The following PTPRT variants were observed in gnomAD, a reference collection of about 807,000 sequenced individuals.
PTPRT encodes the protein receptor-type tyrosine-protein phosphatase T.
PTPRT carries 56 observed loss-of-function variants against 176.8 expected under a neutral mutation model. The ratio of observed to expected loss-of-function variants is 0.32; its 90% CI spans 0.26 to 0.40. PTPRT has a LOEUF of 0.40. Ranked by LOEUF, PTPRT falls within the 10% of genes least tolerant of loss-of-function variation. The pLI is 1.00. For missense variants in PTPRT, 1,540 were observed against 1,908.2 expected (o/e 0.81, Z 3.60); for synonymous variants, 783 against 739.0 (o/e 1.06, Z -0.96).
chr20:42,220,546 AAAAAT>A (rs1166080770), intron 15 of PTPRT, among the ~76,000 whole-genome samples: 84 of 141,378 alleles, frequency 5.9e-4, no homozygotes, highest in African/African-American at 1.9e-3. Flanking sequence ...CTCTCTACAA[AAAAAT>A]AAAATAATAA....
intron 7 of PTPRT, among the ~76,000 whole-genome samples, chr20:42,560,838 G>T (rs1458919795): frequency 6.6e-6 from 1 of 152,172 alleles, no homozygotes; most frequent in African/African-American, 2.4e-5. Flanking sequence ...ACACTTCTAG[G>T]TGCTGCTAGA....
chr20:42,573,909 C>A (rs1389142091), intron 7 of PTPRT, among the ~76,000 whole-genome samples: 1 of 151,980 alleles, frequency 6.6e-6, no homozygotes, highest in East Asian at 1.9e-4. Flanking sequence ...CCACCACGCC[C>A]GGTTAATTTT....
At chr20:43,008,999 G>A (rs1984992682) in intron 1 of PTPRT, among the ~76,000 whole-genome samples, 1 of 152,092 alleles carries the variant, frequency 6.6e-6, no homozygotes, top group South Asian at 2.1e-4. Context: ...GGAAACATTC[G>A]GAAGGCTTCA....
chr20:43,176,579 G>C (rs370158299), intron 1 of PTPRT, among the ~76,000 whole-genome samples: 5 of 152,232 alleles, frequency 3.3e-5, no homozygotes, highest in African/African-American at 1.2e-4. Flanking sequence ...CACCATCCTA[G>C]TTCCATTTTT....
chr20:42,584,490 A>T lies in PTPRT; in HGVS notation c.1153+93376T>A, dbSNP rs182924711. 1.9e-3 allele frequency among the ~76,000 whole-genome samples: 293 copies of T among 152,236 alleles called. 1 individual carries two copies. The highest frequency in any genetic ancestry group is 6.9e-3 in the African/African-American group (285 of 41,560). Reference sequence around the variant, plus strand: ...CCTGGCTTCATGCAGGCCTTTGCATACATTTCAGTCAATCAGAGAGGTCTT... The same window carrying T: ...CCTGGCTTCATGCAGGCCTTTGCATTCATTTCAGTCAATCAGAGAGGTCTT... On this transcript the variant is annotated intron_variant, in intron 7 of 30. Transcript: ENST00000373187.
intron 7 of PTPRT, among the ~76,000 whole-genome samples, chr20:42,647,901 A>G (rs1192565254): frequency 6.6e-6 from 1 of 152,176 alleles, no homozygotes; most frequent in Non-Finnish European, 1.5e-5. Flanking sequence ...GGTTAAGAGA[A>G]ATCATTAAGT....
Position 42,350,232 on chromosome 20 carries a change from T to TGTTTG in PTPRT, c.1865+395_1865+396insCAAAC, listed in dbSNP as rs1409415091. On this transcript the variant is annotated intron_variant, in intron 11 of 30. Coordinates refer to ENST00000373187, the MANE Select transcript of PTPRT (RefSeq NM_007050.6). ...GTTTCTTGTTTTTTTTTTTTTTTTT[T>TGTTTG]TTTTTTTTTTTTTTGAGACAGGGTC... Among the ~76,000 whole-genome samples the TGTTTG allele has an allele frequency of 9.8e-3, 1,127 of 114,656 alleles. 34 individuals carry two copies. Among genetic ancestry groups the TGTTTG allele is most frequent in the African/African-American group, 0.032 (1,038 of 32,086 alleles). The allele number at this position is 114,656 out of a possible 152,430, so 75.2% of individuals were successfully genotyped here.
intron 1 of PTPRT, among the ~76,000 whole-genome samples, chr20:43,068,664 GA>G (rs1489189980): frequency 6.6e-6 from 1 of 152,110 alleles, no homozygotes; most frequent in Non-Finnish European, 1.5e-5. Flanking sequence ...AGTGATGCAG[GA>G]ATCATACTTA....
intron 9 of PTPRT, among the ~76,000 whole-genome samples, chr20:42,391,626 GT>G (rs1160607746): frequency 6.6e-6 from 1 of 152,126 alleles, no homozygotes. Flanking sequence ...TTGTTCGTTT[GT>G]TTTTAAAGCC....
chr20:42,891,460 T>C (rs1568663930), intron 1 of PTPRT, among the ~76,000 whole-genome samples: 1 of 152,206 alleles, frequency 6.6e-6, no homozygotes, highest in Non-Finnish European at 1.5e-5. Flanking sequence ...AATGGAAAAC[T>C]GTAGCAAGGA....
rs756048577 is a variant in PTPRT at position 42,177,236 on chromosome 20, G to A, written c.2492-15694C>T. Among the ~76,000 whole-genome samples, 24 of 152,156 alleles carry A rather than the reference G, an allele frequency of 1.6e-4. 1 individual carries two copies. The highest frequency in any genetic ancestry group is 6.3e-3 in the Middle Eastern group (2 of 316). On this transcript the variant is annotated intron_variant, in intron 16 of 30. Transcript: ENST00000373187. ...CAAGCTCTCAGGTGATGCTGATGAT[G>A]CTGGTCCATGGACCACACCTTGAGT... is the stretch of plus-strand genomic sequence containing the variant.
At chr20:43,033,543 G>C (rs920309995) in intron 1 of PTPRT, among the ~76,000 whole-genome samples, 26 of 152,236 alleles carry the variant, frequency 1.7e-4, no homozygotes, top group African/African-American at 5.8e-4. Flanking sequence ...ACTCCTTCCT[G>C]GTTTCTCATA....
chr20:42,193,146 T>C (rs923845382), intron 16 of PTPRT, among the ~76,000 whole-genome samples: 3 of 152,236 alleles, frequency 2.0e-5, no homozygotes, highest in Non-Finnish European at 2.9e-5. Flanking sequence ...TTCAAGAAGA[T>C]CTTTTAATAT....
At chr20:42,491,814 A>G (rs1181958709) in intron 7 of PTPRT, among the ~76,000 whole-genome samples, 4 of 152,222 alleles carry the variant, frequency 2.6e-5, no homozygotes, top group Admixed American at 6.5e-5. Flanking sequence ...CACTTATGCT[A>G]TCTTTTTATA....
At chr20:42,635,589 A>T (rs66488046) in intron 7 of PTPRT, among the ~76,000 whole-genome samples, 15,371 of 152,194 alleles carry the variant, frequency 0.1, 987 homozygotes, top group Non-Finnish European at 0.15. Flanking sequence ...TTGTAATAGG[A>T]GTCACAGATA....
chr20:43,040,897 G>T (rs1986578305), intron 1 of PTPRT, among the ~76,000 whole-genome samples: 1 of 152,186 alleles, frequency 6.6e-6, no homozygotes, highest in African/African-American at 2.4e-5. Flanking sequence ...AAGACTGTCT[G>T]TTGGGAAATA....
At chr20:42,749,911 G>A (rs1405511319) in intron 6 of PTPRT, among the ~76,000 whole-genome samples, 2 of 152,254 alleles carry the variant, frequency 1.3e-5, no homozygotes, top group South Asian at 2.1e-4. Flanking sequence ...ACGGTGGAAC[G>A]TGTGCTTCCA....
chr20:42,123,855 T>A (rs997619392), intron 19 of PTPRT, among the ~76,000 whole-genome samples: 2 of 152,214 alleles, frequency 1.3e-5, no homozygotes, highest in African/African-American at 2.4e-5. Flanking sequence ...TCTGGCTTAC[T>A]TTTCGTTAGA....
chr20:42,347,880 C>CT (rs2058218321), intron 11 of PTPRT, among the ~76,000 whole-genome samples: 1 of 152,124 alleles, frequency 6.6e-6, no homozygotes, highest in African/African-American at 2.4e-5. Context: ...TTCAGTGACA[C>CT]TTTTTTTGCT....
Sources: gnomAD v4.1 joint callset for allele counts (sites outside exome capture counted in the v4.1 genomes callset) on GRCh38, gnomAD v4.1.1 for gene constraint, MANE v1.5 for transcripts, NCBI Gene and HGNC (gene_info 2026-07-23, HGNC 2026-07-21) for gene names.